MACF1: variants seen among roughly 807,000 people sequenced by gnomAD.
MACF1 encodes the protein microtubule actin crosslinking factor 1, also known as microtubule-actin cross-linking factor 1.
Under a neutral mutation model 854.8 loss-of-function variants are expected in MACF1, and 193 were observed. That is an observed-to-expected ratio of 0.23 (90% CI 0.20 to 0.25). The LOEUF is 0.25. Ranked by LOEUF, MACF1 falls within the 10% of genes least tolerant of loss-of-function variation. The pLI, the probability that MACF1 is intolerant of heterozygous loss-of-function variation, is 1.00. For synonymous variants in MACF1, 3,185 were observed against 3,226.7 expected, an observed-to-expected ratio of 0.99 and a Z score of 0.44; for missense variants, 7,722 against 8,929.1, an observed-to-expected ratio of 0.86 and a Z score of 5.45.
chr1:39,146,208 T>C (rs1339122445), intron 2 of MACF1, among the ~76,000 whole-genome samples: 1 of 152,098 alleles, frequency 6.6e-6, no homozygotes, highest in Non-Finnish European at 1.5e-5. Flanking sequence ...TTAGGGAGGC[T>C]GAGGTGGGTG....
intron 36 of MACF1, 143 bp from the exon 37 acceptor site, chr1:39,331,060 A>G: frequency 8.2e-7 from 1 of 1,226,058 alleles, no homozygotes; most frequent in Non-Finnish European, 1.1e-6. Context: ...TGGGCAGATT[A>G]TAGGCGTGAG....
intron 57 of MACF1, among the ~76,000 whole-genome samples, chr1:39,386,980 C>T (rs562837444): frequency 1.3e-5 from 2 of 152,286 alleles, no homozygotes; most frequent in East Asian, 3.9e-4. Context: ...TCAAAGTTTA[C>T]TTCTGTTACT....
At chr1:39,269,104 C>A in intron 6 of MACF1, 2 of 1,289,734 alleles carry the variant, frequency 1.6e-6, no homozygotes, top group Non-Finnish European at 2.0e-6. Context: ...GTCTGGGATT[C>A]CCTGGAAGAG....
chr1:39,193,910 C>A (rs1390723704), intron 2 of MACF1, among the ~76,000 whole-genome samples: 1 of 152,034 alleles, frequency 6.6e-6, no homozygotes, highest in East Asian at 1.9e-4. Context: ...GTGGCATGAT[C>A]TCAGCTCACT....
At chr1:39,317,066 G>T in intron 28 of MACF1, 148 bp from the exon 29 acceptor site, 1 of 756,420 alleles carries the variant, frequency 1.3e-6, no homozygotes, top group Non-Finnish European at 2.1e-6. Flanking sequence ...CATGACATGT[G>T]GAGGCAGTCC....
intron 2 of MACF1, among the ~76,000 whole-genome samples, chr1:39,196,935 T>C (rs1425257365): frequency 6.6e-6 from 1 of 152,250 alleles, no homozygotes; most frequent in Non-Finnish European, 1.5e-5. Flanking sequence ...AAAATCTTAA[T>C]GAAGTTCTGA....
chr1:39,477,051 A>G (rs1439951511), intron 97 of MACF1, among the ~76,000 whole-genome samples: 36 of 9,998 alleles, frequency 3.6e-3, no homozygotes, highest in Non-Finnish European at 4.2e-3. Flanking sequence ...TAGTGTATAT[A>G]TATATATATA....
intron 22 of MACF1, among the ~76,000 whole-genome samples, chr1:39,302,429 G>A (rs998964136): frequency 1.3e-5 from 2 of 152,168 alleles, no homozygotes; most frequent in African/African-American, 4.8e-5. Flanking sequence ...TGTGTGTCTC[G>A]ATATTTCTGC....
chr1:39,414,036 A>C (rs1167466880), intron 58 of MACF1: 1 of 1,601,816 alleles, frequency 6.2e-7, no homozygotes, highest in Admixed American at 1.7e-5. Flanking sequence ...CCACCTCCTC[A>C]GCAGCTGCAG....
intron 1 of MACF1, among the ~76,000 whole-genome samples, chr1:39,210,687 C>G (rs1018467671): frequency 2.6e-5 from 4 of 152,138 alleles, no homozygotes; most frequent in African/African-American, 4.8e-5. Context: ...ACTAAGGTCT[C>G]TAACTTTCTG....
rs1646396827 is a variant in MACF1 at position 39,315,548 on chromosome 1, C to T, written c.3306C>T (p.Asp1102=). 1.2e-6 allele frequency: 2 copies of T among 1,613,988 alleles called. No individual in the cohort carries two copies. The highest frequency in any genetic ancestry group is 1.7e-5 in the Admixed American group (1 of 59,996). ...AGGATTTACAGCAATTGAGGTCAGA[C>T]TTGGATGCAGTTTCTATGAAATGTG... ...TQEDLQQLRS[D]LDAVSMKCDS... Residue 1102 remains aspartate, a synonymous_variant, in exon 27 of 101, where the codon GAC becomes GAT. Transcript: ENST00000564288.
In MACF1 at chr1:39,102,618, T is replaced by G. The variant is rs974588836; in HGVS notation, c.220+18180T>G. 12 of 617,788 alleles carry G rather than the reference T, an allele frequency of 1.9e-5. No individual in the cohort carries two copies. In the East Asian group the frequency reaches 3.0e-4, roughly 15 times the overall value. The allele number at this position is 617,788 out of a possible 1,614,324, so 38.3% of individuals were successfully genotyped here. ...ATAGAAAGTGGCAGGGCTTTAGGGA[T>G]AGGGGTATTTGATGAGGCTTTAATT... On this transcript the variant is annotated intron_variant, in intron 2 of 93. Coordinates refer to the MACF1 transcript ENST00000361689.
At chr1:39,451,550 A>T (rs1373978791) in intron 85 of MACF1, among the ~76,000 whole-genome samples, 1 of 150,230 alleles carries the variant, frequency 6.7e-6, no homozygotes, top group Admixed American at 6.7e-5. Context: ...GAAATGAGTG[A>T]TTTTTTTTTT....
At chr1:39,123,709 C>CTTAT (rs1376838861) in intron 2 of MACF1, among the ~76,000 whole-genome samples, 21 of 94,460 alleles carry the variant, frequency 2.2e-4, no homozygotes, top group Non-Finnish European at 3.7e-4. Flanking sequence ...CCGGCTAATT[C>CTTAT]TTGTTTTGTT....
chr1:39,108,050 T>C (rs1642292792), intron 2 of MACF1, among the ~76,000 whole-genome samples: 1 of 131,710 alleles, frequency 7.6e-6, no homozygotes, highest in Admixed American at 9.3e-5. Context: ...TTGGCAACCA[T>C]TTTTTTTTTT....
At position 39,324,738 on chromosome 1, in the gene MACF1, A is replaced by G. The variant is rs1307336411; in HGVS notation, c.4478+4A>G. On this transcript the variant is annotated splice_donor_region_variant and intron_variant, in intron 35 of 100. Transcript: ENST00000564288. ...TCTTGGCCAAGCATGGTCATAAGTG[A>G]GTATTAAATGAGAGATTATGGCACA... The G allele has an allele frequency of 1.2e-6, 2 of 1,606,860 alleles. No individual in the cohort carries two copies. The highest frequency in any genetic ancestry group is 1.7e-5 in the Admixed American group (1 of 59,884).
In MACF1 at chr1:39,412,297, C is replaced by T. The variant is rs370729605; in HGVS notation, c.15817-10077C>T. On this transcript the variant is annotated intron_variant, in intron 58 of 100. Coordinates refer to ENST00000564288, the MANE Select transcript of MACF1 (RefSeq NM_001394062.1). ...AGAGGTGTTATATGAATCAAATTTACTAACAGATGAAATTCATTTGGAAAG... is the reference window on the plus strand; with the variant it reads ...AGAGGTGTTATATGAATCAAATTTATTAACAGATGAAATTCATTTGGAAAG... 2.5e-6 allele frequency: 4 copies of T among 1,613,952 alleles called. No homozygotes were observed. The South Asian group carries it at 3.3e-5, about 13-fold the overall frequency.
At chr1:39,465,320 G>T (rs994954138) in intron 95 of MACF1, among the ~76,000 whole-genome samples, 10 of 152,156 alleles carry the variant, frequency 6.6e-5, no homozygotes, top group African/African-American at 2.4e-4. Flanking sequence ...TTTTATAAAG[G>T]AGATGAAATG....
chr1:39,166,071 A>ATTT (rs11435818), intron 2 of MACF1, among the ~76,000 whole-genome samples: 4 of 144,250 alleles, frequency 2.8e-5, no homozygotes, highest in Admixed American at 6.9e-5. Context: ...AGGGCACTAG[A>ATTT]TTTTTTTTTT....
Sources: allele counts gnomAD v4.1 joint callset (sites outside exome capture counted in the v4.1 genomes callset), GRCh38; gene constraint gnomAD v4.1.1; transcripts MANE v1.5; gene names NCBI Gene and HGNC (gene_info 2026-07-23, HGNC 2026-07-21).